ZNF407: variants seen among roughly 807,000 people sequenced by gnomAD.
ZNF407 encodes zinc finger protein 407.
Under a neutral mutation model 131.2 loss-of-function variants are expected in ZNF407, and 17 were observed. That is an observed-to-expected ratio of 0.13 (90% confidence interval 0.09 to 0.19). The LOEUF (loss-of-function observed/expected upper bound fraction) is 0.19. Among genes scored for constraint, ZNF407 ranks in the 10% least tolerant of loss-of-function variants. ZNF407 has a pLI of 1.00. For missense variants in ZNF407, 2,681 were observed against 2,830.6 expected (o/e 0.95, Z 1.20); for synonymous variants, 1,156 against 1,062.0 (o/e 1.09, Z -1.72).
chr18:74,788,136 T>C (rs1268694840), intron 4 of ZNF407, among the ~76,000 whole-genome samples: 1 of 152,232 alleles, frequency 6.6e-6, no homozygotes, highest in African/African-American at 2.4e-5. Flanking sequence ...TTTTATTTAC[T>C]ACTGTTATTT....
chr18:74,952,887 A>C (rs141902751), intron 8 of ZNF407, among the ~76,000 whole-genome samples: 2 of 152,318 alleles, frequency 1.3e-5, no homozygotes, highest in African/African-American at 4.8e-5. Context: ...CACTGCCTGG[A>C]ATGGTTGACG....
chr18:75,040,580 A>G (rs933459980), intron 8 of ZNF407, among the ~76,000 whole-genome samples: 3 of 152,206 alleles, frequency 2.0e-5, no homozygotes, highest in African/African-American at 7.2e-5. Flanking sequence ...CAGCCGCAAC[A>G]TAATCAAACC....
At chr18:74,863,107 G>C (rs903678846) in intron 4 of ZNF407, among the ~76,000 whole-genome samples, 7 of 151,686 alleles carry the variant, frequency 4.6e-5, no homozygotes, top group African/African-American at 9.7e-5. Flanking sequence ...TTTTAGTAGG[G>C]ATGGGGTTTC....
rs140665034 is a variant in ZNF407, at chr18:74,715,479, G to C, written c.4803-65949G>C. 2.1e-4 allele frequency among the ~76,000 whole-genome samples: 32 copies of C among 152,292 alleles called. No individual in the cohort carries two copies. The East Asian group carries it at 5.8e-3, about 28-fold the overall frequency. On this transcript the variant is annotated intron_variant, in intron 3 of 8. Coordinates refer to ENST00000299687, the MANE Select transcript of ZNF407 (RefSeq NM_017757.3). ...GCGGTGGTGGAGGCGCTGGTGACTG[G>C]AGATGCCTTGGCAGAGCAGCTCATC...
At chr18:74,843,671 C>T (rs574920327) in intron 4 of ZNF407, among the ~76,000 whole-genome samples, 54 of 152,256 alleles carry the variant, frequency 3.5e-4, no homozygotes, top group African/African-American at 1.3e-3. Flanking sequence ...CTTGGAGAAT[C>T]CCAAAATCTT....
intron 3 of ZNF407, among the ~76,000 whole-genome samples, chr18:74,665,536 C>T (rs575953661): frequency 1.8e-4 from 28 of 152,106 alleles, no homozygotes; most frequent in Non-Finnish European, 2.9e-4. Flanking sequence ...ATGAGAAATA[C>T]GTGTTTTGGC....
At chr18:74,929,914 G>A (rs367989967) in intron 8 of ZNF407, among the ~76,000 whole-genome samples, 1 of 152,154 alleles carries the variant, frequency 6.6e-6, no homozygotes, top group South Asian at 2.1e-4. Flanking sequence ...TTACAGAAAA[G>A]TTTGCAGAAA....
chr18:75,037,342 G>A (rs950420205), intron 8 of ZNF407, among the ~76,000 whole-genome samples: 1 of 152,046 alleles, frequency 6.6e-6, no homozygotes, highest in African/African-American at 2.4e-5. Flanking sequence ...GATGCTTTTT[G>A]GTTTAACCCT....
At chr18:74,889,184 G>T (rs141307899) in intron 6 of ZNF407, among the ~76,000 whole-genome samples, 2 of 152,196 alleles carry the variant, frequency 1.3e-5, no homozygotes, top group Admixed American at 6.5e-5. Flanking sequence ...CTAGGTTTGT[G>T]TAAGTGCATG....
At chr18:74,778,242 A>T (rs1305601954) in intron 3 of ZNF407, among the ~76,000 whole-genome samples, 3 of 152,036 alleles carry the variant, frequency 2.0e-5, no homozygotes, top group Non-Finnish European at 2.9e-5. Flanking sequence ...ATGCTCCCAC[A>T]TCACATCTGT....
At chr18:74,715,092 A>G (rs940213260) in intron 3 of ZNF407, among the ~76,000 whole-genome samples, 2 of 152,152 alleles carry the variant, frequency 1.3e-5, no homozygotes, top group Admixed American at 1.3e-4. Context: ...TTTACCAGTC[A>G]TCTTCCACGT....
chr18:74,763,834 C>T lies in ZNF407; in HGVS notation c.4803-17594C>T, dbSNP rs533215338. ...ACGCCATTCTCCTGCCTCAGCCTCCCGAGTAGCTGGGACTACAGGCGCCCG... is the reference window on the plus strand; with the variant it reads ...ACGCCATTCTCCTGCCTCAGCCTCCTGAGTAGCTGGGACTACAGGCGCCCG... On this transcript the variant is annotated intron_variant, in intron 3 of 8. Coordinates refer to ENST00000299687, the MANE Select transcript of ZNF407 (RefSeq NM_017757.3). Among the ~76,000 whole-genome samples, 735 of 150,502 alleles carry T rather than the reference C, an allele frequency of 4.9e-3. 8 individuals carry two copies. The highest frequency in any genetic ancestry group is 0.017 in the African/African-American group (702 of 41,112).
Position 74,635,583 on chromosome 18 carries a change from G to A in ZNF407, c.4564G>A (p.Glu1522Lys). The A allele has an allele frequency of 1.2e-6, 2 of 1,614,002 alleles. No homozygotes were observed. The highest frequency in any genetic ancestry group is 1.7e-6 in the Non-Finnish European group (2 of 1,179,876). Residue 1522 changes from glutamate (E) to lysine (K), a missense_variant, in exon 2 of 9, where the codon GAA becomes AAA. By Grantham distance (56) the Glu-to-Lys change is moderately conservative. Coordinates refer to ENST00000299687, the MANE Select transcript of ZNF407 (RefSeq NM_017757.3). The surrounding 1 kb of genome is among the most constrained non-coding windows in gnomAD (Gnocchi z 4.7). ...GCGGGAGGTGAATAAGTATATAGTG[G>A]AAGACACTGAGCAAATCAACCGCGA... ...LLREVNKYIV[E>K]DTEQINRERE...
At chr18:74,857,535 A>G (rs943032549) in intron 4 of ZNF407, among the ~76,000 whole-genome samples, 3 of 152,090 alleles carry the variant, frequency 2.0e-5, no homozygotes, top group African/African-American at 7.2e-5. Flanking sequence ...AAATCTTTTG[A>G]TTCTTGTGAT....
intron 4 of ZNF407, among the ~76,000 whole-genome samples, chr18:74,875,329 A>G (rs891085370): frequency 6.6e-6 from 1 of 152,174 alleles, no homozygotes; most frequent in African/African-American, 2.4e-5. Context: ...CACAAGCTTT[A>G]GTTTAACATT....
In ZNF407 at chr18:74,830,595, A is replaced by G. The variant is rs1254364925; in HGVS notation, c.4878-46602A>G. ...CACCTAGCCAGATTTAATTTTTTTA[A>G]TTGACGAATAATGTTTGTACATAGG... On this transcript the variant is annotated intron_variant, in intron 4 of 8. Transcript: ENST00000299687. Among the ~76,000 whole-genome samples the G allele has an allele frequency of 2.0e-5, 3 of 152,160 alleles. No homozygotes were observed. The East Asian group carries it at 5.8e-4, about 29-fold the overall frequency.
chr18:74,980,982 T>C (rs1024671893), intron 8 of ZNF407, among the ~76,000 whole-genome samples: 3 of 152,200 alleles, frequency 2.0e-5, no homozygotes, highest in Admixed American at 2.0e-4. Context: ...ATCACATCAA[T>C]GTTGCTACTT....
At chr18:75,028,556 A>G (rs1973198689) in intron 8 of ZNF407, among the ~76,000 whole-genome samples, 2 of 152,206 alleles carry the variant, frequency 1.3e-5, no homozygotes, top group Admixed American at 1.3e-4. Context: ...CTCCTAACAG[A>G]CTTAAAATAT....
chr18:74,762,240 G>A (rs1969111956), intron 3 of ZNF407, among the ~76,000 whole-genome samples: 1 of 151,818 alleles, frequency 6.6e-6, no homozygotes, highest in Admixed American at 6.6e-5. Context: ...AGTTACTTTG[G>A]AACTCTATAA....
Sources: gnomAD v4.1 joint callset for allele counts (sites outside exome capture counted in the v4.1 genomes callset) on GRCh38, gnomAD v4.1.1 for gene constraint, Gnocchi (gnomAD v3.1) non-coding constraint, MANE v1.5 for transcripts, NCBI Gene and HGNC (gene_info 2026-07-23, HGNC 2026-07-21) for gene names.